CDKN1B: variants seen among roughly 807,000 people sequenced by gnomAD.
CDKN1B encodes the protein cyclin dependent kinase inhibitor 1B.
CDKN1B carries 7 observed loss-of-function variants against 17.1 expected under a neutral mutation model. The ratio of observed to expected loss-of-function variants is 0.41; its 90% CI spans 0.23 to 0.77. CDKN1B has a LOEUF of 0.77. Among genes scored for constraint, CDKN1B ranks in the 30% least tolerant of loss-of-function variants. CDKN1B has a pLI of 0.33. For synonymous variants in CDKN1B, 149 were observed against 104.3 expected (o/e 1.43, Z -2.61); for missense variants, 337 against 262.0 (o/e 1.29, Z -1.98).
chr12:12,719,276 A>C (rs1157819903), intron 2 of CDKN1B: 1 of 326,678 alleles, frequency 3.1e-6, no homozygotes, highest in Non-Finnish European at 5.9e-6. Flanking sequence ...CCGAACAAGA[A>C]CTAGGGTACT....
intron 2 of CDKN1B, among the ~76,000 whole-genome samples, chr12:12,720,544 G>A (rs541897036): frequency 7.9e-5 from 12 of 152,054 alleles, no homozygotes; most frequent in Admixed American, 6.5e-5. Context: ...ATTTTTACCC[G>A]TAAGTATTAC....
In CDKN1B at chr12:12,718,448, C is replaced by A. The variant is rs565285439; in HGVS notation, c.475+134C>A. The A allele has an allele frequency of 5.0e-6, 4 of 804,624 alleles. No individual in the cohort carries two copies. In the Admixed American group the frequency reaches 6.2e-5, roughly 12 times the overall value. 49.8% of individuals were successfully genotyped at this position (804,624 alleles called of 1,614,324 possible). A position where few individuals can be genotyped will look rare whatever the true frequency, so the allele number is the denominator to read the frequency against. Reference sequence around the variant, plus strand: ...GCTAACTTTATTGGTCTTAGGTGTTCAGTGCTACCTGGCCCACTGCTTGTC... The same window carrying A: ...GCTAACTTTATTGGTCTTAGGTGTTAAGTGCTACCTGGCCCACTGCTTGTC... On this transcript the variant is annotated intron_variant, in intron 1 of 2. Transcript: ENST00000228872.
chr12:12,717,844 C>T lies in CDKN1B; in HGVS notation c.5C>T (p.Ser2Leu), dbSNP rs2136355327. 4 of 1,612,946 alleles carry T rather than the reference C, an allele frequency of 2.5e-6. No individual in the cohort carries two copies. Among genetic ancestry groups the T allele is most frequent in the Non-Finnish European group, 3.4e-6 (4 of 1,180,010 alleles). The part of the protein sequence containing the change: M[S>L]NVRVSNGSPS... ...TCGTGCAGACCCGGGAGAAAGATGT[C>T]AAACGTGCGAGTGTCTAACGGGAGC... The change falls in exon 1 of 3, where the codon TCA becomes TTA. Residue 2 changes from serine (S) to leucine (L), a missense_variant. Physicochemically the swap from Ser to Leu is moderately radical, Grantham distance 145. Transcript: ENST00000228872.
At position 12,717,875 on chromosome 12, in the gene CDKN1B, C is replaced by G; in HGVS notation, c.36C>G (p.Ser12Arg). The G allele has an allele frequency of 6.2e-7, 1 of 1,613,876 alleles. No individual in the cohort carries two copies. The highest frequency in any genetic ancestry group is 1.1e-5 in the South Asian group (1 of 91,084). The change falls in exon 1 of 3, where the codon AGC becomes AGG. Residue 12 changes from serine (S) to arginine (R), a missense_variant. Coordinates refer to ENST00000228872, the MANE Select transcript of CDKN1B (RefSeq NM_004064.5). ...TGCGAGTGTCTAACGGGAGCCCTAG[C>G]CTGGAGCGGATGGACGCCAGGCAGG... ...SNVRVSNGSP[S>R]LERMDARQAE...
Position 12,718,247 on chromosome 12 carries a change from T to G in CDKN1B, c.408T>G (p.Asp136Glu), listed in dbSNP as rs1361482047. Reference protein sequence around the residue: ...EDTHLVDPKTDPSDSQTGLAE... With the variant: ...EDTHLVDPKTEPSDSQTGLAE... ...CGCATTTGGTGGACCCAAAGACTGA[T>G]CCGTCGGACAGCCAGACGGGGTTAG... Residue 136 changes from aspartate (D) to glutamate (E), a missense_variant, in exon 1 of 3, where the codon GAT (aspartate) becomes GAG (glutamate). Asp to Glu is a conservative substitution (Grantham distance 45, BLOSUM62 2). Transcript: ENST00000228872. 1 of 1,610,804 alleles carries G rather than the reference T, an allele frequency of 6.2e-7. No individual in the cohort carries two copies.
In CDKN1B at chr12:12,718,124, C is replaced by T. The variant is rs780148172; in HGVS notation, c.285C>T (p.Pro95=). ...TCTACTACAGACCCCCGCGGCCCCC[C>T]AAAGGTGCCTGCAAGGTGCCGGCGC... ...PEFYYRPPRP[P]KGACKVPAQE... The change falls in exon 1 of 3, where the codon CCC becomes CCT. Residue 95 remains proline, a synonymous_variant. Coordinates refer to ENST00000228872, the MANE Select transcript of CDKN1B (RefSeq NM_004064.5). 10 of 1,614,194 alleles carry T rather than the reference C, an allele frequency of 6.2e-6. No individual in the cohort carries two copies. In the East Asian group the frequency reaches 6.7e-5, roughly 11 times the overall value.
At position 12,717,611 on chromosome 12, in the gene CDKN1B, C is replaced by T. The variant is rs1017759489; in HGVS notation, c.-229C>T. 14 of 1,444,558 alleles carry T rather than the reference C, an allele frequency of 9.7e-6. No individual in the cohort carries two copies. The African/African-American group carries it at 1.1e-4, about 12-fold the overall frequency. The allele number at this position is 1,444,558 out of a possible 1,614,324, so 89.5% of individuals were successfully genotyped here. The stretch of plus-strand genomic sequence containing the variant: ...CCCCTCTCCTCTCCGCCCTCCCGCT[C>T]GCCAGTCCATTTGATCAGCGGAGAC... On this transcript the variant is annotated 5_prime_UTR_variant, in exon 1 of 3. Coordinates refer to ENST00000228872, the MANE Select transcript of CDKN1B (RefSeq NM_004064.5).
In CDKN1B at chr12:12,717,567, C is replaced by T; in HGVS notation, c.-273C>T. The T allele has an allele frequency of 7.1e-7, 1 of 1,414,996 alleles. No homozygotes were observed. 87.7% of individuals were successfully genotyped at this position (1,414,996 alleles called of 1,614,324 possible). On this transcript the variant is annotated 5_prime_UTR_variant, in exon 1 of 3. Transcript: ENST00000228872. ...GCCCAGACTCGGACGGGCTTTGCCA[C>T]CCTCTCCGCTTGCCTGGTCCCCTCT...
chr12:12,717,417 G>A lies in CDKN1B; in HGVS notation c.-423G>A, dbSNP rs1357145601. The A allele has an allele frequency of 5.7e-6, 7 of 1,219,294 alleles. No homozygotes were observed. In the Admixed American group the frequency reaches 2.1e-4, roughly 36 times the overall value. 75.5% of individuals were successfully genotyped at this position (1,219,294 alleles called of 1,614,324 possible). A position where few individuals can be genotyped will look rare whatever the true frequency, so the allele number is the denominator to read the frequency against. On this transcript the variant is annotated 5_prime_UTR_variant, in exon 1 of 3. Transcript: ENST00000228872. ...CGCCATATTGGGCCACTAAAAAAAG[G>A]GGGCTCGTCTTTTCGGGGTGTTTTT...
Position 12,721,039 on chromosome 12 carries a change from TAAG to T in CDKN1B, c.*15_*17del, listed in dbSNP as rs1946536371. The T allele has an allele frequency of 1.4e-6, 1 of 712,920 alleles. No individual in the cohort carries two copies. The highest frequency in any genetic ancestry group is 1.8e-5 in the African/African-American group (1 of 56,750). The allele number at this position is 712,920 out of a possible 1,614,324, so 44.2% of individuals were successfully genotyped here. Reference sequence around the variant, plus strand: ...TCCGTTTTGTTTTCTTTTGCAGAATTAAGAATATGTTTCCTTGTTTATCAGATA... The same window carrying T: ...TCCGTTTTGTTTTCTTTTGCAGAATTAATATGTTTCCTTGTTTATCAGATA... On this transcript the variant is annotated 3_prime_UTR_variant, in exon 3 of 3. Coordinates refer to ENST00000228872, the MANE Select transcript of CDKN1B (RefSeq NM_004064.5).
rs1202654522 is a variant in CDKN1B at position 12,717,935 on chromosome 12, C to T, written c.96C>T (p.Leu32=). The change falls in exon 1 of 3, where the codon CTC becomes CTT. Residue 32 remains leucine (L), a synonymous_variant. Transcript: ENST00000228872. ...EHPKPSACRN[L]FGPVDHEELT... ...CCAAGCCCTCGGCCTGCAGGAACCT[C>T]TTCGGCCCGGTGGACCACGAAGAGT... 4 of 1,614,252 alleles carry T rather than the reference C, an allele frequency of 2.5e-6. No homozygotes were observed. Among genetic ancestry groups the T allele is most frequent in the East Asian group, 2.2e-5 (1 of 44,892 alleles).
chr12:12,719,004 C>T (rs2136357580), intron 2 of CDKN1B, 50 bp downstream of exon 2: 1 of 1,606,410 alleles, frequency 6.2e-7, no homozygotes, highest in East Asian at 2.2e-5. Flanking sequence ...GCCTTCAGAC[C>T]TCACGATACC....
In CDKN1B at chr12:12,721,459, T is replaced by G. The variant is rs146111672; in HGVS notation, c.*432T>G. 52 of 325,778 alleles carry G rather than the reference T, an allele frequency of 1.6e-4. No individual in the cohort carries two copies. The highest frequency in any genetic ancestry group is 9.1e-4 in the African/African-American group (43 of 47,318). The allele number at this position is 325,778 out of a possible 1,614,324, so 20.2% of individuals were successfully genotyped here. On this transcript the variant is annotated 3_prime_UTR_variant, in exon 3 of 3. Coordinates refer to ENST00000228872, the MANE Select transcript of CDKN1B (RefSeq NM_004064.5). Reference sequence around the variant, plus strand: ...GGGGAAGGGTTTGAATTGTTTTCTTTAAAGATGTAATGTCCCTTTCAGAGA... The same window carrying G: ...GGGGAAGGGTTTGAATTGTTTTCTTGAAAGATGTAATGTCCCTTTCAGAGA...
chr12:12,719,249 A>G, intron 2 of CDKN1B: 2 of 398,148 alleles, frequency 5.0e-6, no homozygotes, highest in South Asian at 2.4e-5. Context: ...GTTGGGAGCA[A>G]TAGGTTCTTT....
chr12:12,718,704 C>G (rs765158339), intron 1 of CDKN1B, 121 bp from the exon 2 acceptor site: 17 of 1,157,064 alleles, frequency 1.5e-5, no homozygotes, highest in Non-Finnish European at 1.8e-5. Context: ...GATGACGGAT[C>G]CAGGATTGTG....
At chr12:12,720,754 C>T (rs1749871820) in intron 2 of CDKN1B, among the ~76,000 whole-genome samples, 1 of 152,136 alleles carries the variant, frequency 6.6e-6, no homozygotes, top group African/African-American at 2.4e-5. Context: ...CCCAGTGTGA[C>T]AACCTAAAAT....
rs1350737915 is a variant in CDKN1B at position 12,717,547 on chromosome 12, G to A, written c.-293G>A. 1 of 1,402,820 alleles carries A rather than the reference G, an allele frequency of 7.1e-7. No individual in the cohort carries two copies. The highest frequency in any genetic ancestry group is 2.6e-5 in the East Asian group (1 of 37,786). 86.9% of individuals were successfully genotyped at this position (1,402,820 alleles called of 1,614,324 possible). On this transcript the variant is annotated 5_prime_UTR_variant, in exon 1 of 3. Coordinates refer to ENST00000228872, the MANE Select transcript of CDKN1B (RefSeq NM_004064.5). The stretch of plus-strand genomic sequence containing the variant: ...GGACCCGCGGGCTTGCACCCGCCCA[G>A]ACTCGGACGGGCTTTGCCACCCTCT...
rs1359052656 is a variant in CDKN1B, at chr12:12,722,152, A to G, written c.*1125A>G. ...TATACTAACTTATTTATGTTAAAAG[A>G]TTTTTTTTAATCTAGACAATATACA... On this transcript the variant is annotated 3_prime_UTR_variant, in exon 3 of 3. Coordinates refer to ENST00000228872, the MANE Select transcript of CDKN1B (RefSeq NM_004064.5). The G allele has an allele frequency of 1.3e-5, 2 of 152,502 alleles. No homozygotes were observed. The highest frequency in any genetic ancestry group is 2.9e-5 in the Non-Finnish European group (2 of 68,010). The allele number at this position is 152,502 out of a possible 1,614,324, so 9.4% of individuals were successfully genotyped here.
At chr12:12,720,970 G>T in intron 2 of CDKN1B, 66 bp from the exon 3 acceptor site, 1 of 582,428 alleles carries the variant, frequency 1.7e-6, no homozygotes, top group South Asian at 2.4e-5. Context: ...AATAATTCCT[G>T]TACTCTACTG....
Sources: gnomAD v4.1 joint callset for allele counts (sites outside exome capture counted in the v4.1 genomes callset) on GRCh38, gnomAD v4.1.1 for gene constraint, MANE v1.5 for transcripts, NCBI Gene and HGNC (gene_info 2026-07-23, HGNC 2026-07-21) for gene names.